The following DSCAM variants were observed in gnomAD, a reference collection of about 807,000 sequenced individuals.
DSCAM encodes DS cell adhesion molecule.
Under a neutral mutation model 217.7 loss-of-function variants are expected in DSCAM, and 47 were observed. The observed-to-expected ratio is 0.22, with a 90% CI of 0.17 to 0.28. The LOEUF is 0.28. Among genes scored for constraint, DSCAM ranks in the 10% least tolerant of loss-of-function variants. The probability of loss-of-function intolerance (pLI) is 1.00; values close to 1 mark genes in which losing one functional copy is unlikely to be tolerated. For synonymous variants in DSCAM, 1,056 were observed against 1,015.3 expected, an observed-to-expected ratio of 1.04 and a Z score of -0.76; for missense variants, 2,080 against 2,618.3, an observed-to-expected ratio of 0.79 and a Z score of 4.49.
chr21:40,743,888 G>C (rs2091149172), intron 1 of DSCAM, among the ~76,000 whole-genome samples: 1 of 152,136 alleles, frequency 6.6e-6, no homozygotes, highest in Non-Finnish European at 1.5e-5. Context: ...ACATGAGCAA[G>C]ATTGCAGAAT....
At chr21:40,454,882 G>A (rs896485550) in intron 3 of DSCAM, among the ~76,000 whole-genome samples, 10 of 152,156 alleles carry the variant, frequency 6.6e-5, no homozygotes, top group Non-Finnish European at 8.8e-5. Flanking sequence ...ATTCTATCTC[G>A]ACGTCCACAA....
chr21:40,318,836 A>G (rs1002374940), intron 8 of DSCAM, among the ~76,000 whole-genome samples: 1 of 152,072 alleles, frequency 6.6e-6, no homozygotes, highest in Admixed American at 6.6e-5. Context: ...TCTCACTCCA[A>G]GCTCCCCGCG....
chr21:40,524,687 GAC>G (rs1017447231), intron 3 of DSCAM, among the ~76,000 whole-genome samples: 38 of 152,146 alleles, frequency 2.5e-4, no homozygotes, highest in Middle Eastern at 3.4e-3. Context: ...AGTAGAGAAA[GAC>G]AAATTCTTTT....
chr21:40,041,033 G>C lies in DSCAM; in HGVS notation c.5686+1338C>G, dbSNP rs988539102. Among the ~76,000 whole-genome samples, 79 of 152,278 alleles carry C rather than the reference G, an allele frequency of 5.2e-4. 1 individual carries two copies. The highest frequency in any genetic ancestry group is 1.8e-3 in the African/African-American group (76 of 41,556). ...TAAAGGAAGCCATCATTCTTTATTG[G>C]ATGCTGGCATGAATCTTGAGCTGGT... On this transcript the variant is annotated intron_variant, in intron 32 of 32. Transcript: ENST00000400454.
intron 9 of DSCAM, among the ~76,000 whole-genome samples, chr21:40,306,157 C>A (rs960900822): frequency 6.6e-6 from 1 of 151,064 alleles, no homozygotes; most frequent in Non-Finnish European, 1.5e-5. Flanking sequence ...AGGTCCTTCA[C>A]ATCCCTTGTA....
intron 6 of DSCAM, among the ~76,000 whole-genome samples, chr21:40,344,486 T>G (rs773978483): frequency 1.3e-5 from 2 of 152,316 alleles, no homozygotes. Flanking sequence ...TCTTTATTTT[T>G]CCTTAATTTT....
chr21:40,614,765 T>C (rs2146284780), intron 3 of DSCAM, among the ~76,000 whole-genome samples: 1 of 152,270 alleles, frequency 6.6e-6, no homozygotes, highest in East Asian at 1.9e-4. Context: ...CATTCTTCCA[T>C]GATGCAGAAG....
intron 1 of DSCAM, among the ~76,000 whole-genome samples, chr21:40,782,761 A>C (rs1326320858): frequency 1.3e-5 from 2 of 152,210 alleles, no homozygotes; most frequent in African/African-American, 4.8e-5. Flanking sequence ...AAATAAAAAA[A>C]AATCACTTTC....
intron 27 of DSCAM, among the ~76,000 whole-genome samples, chr21:40,063,157 GT>G (rs748067263): frequency 1.3e-4 from 20 of 152,112 alleles, no homozygotes; most frequent in Non-Finnish European, 2.8e-4. Context: ...TCTACTAAAT[GT>G]TTTATTCCAA....
intron 1 of DSCAM, among the ~76,000 whole-genome samples, chr21:40,761,910 C>T (rs2091339125): frequency 1.3e-5 from 2 of 152,150 alleles, no homozygotes; most frequent in Admixed American, 6.5e-5. Flanking sequence ...CTTTGAAACC[C>T]ATGAGAACAA....
At chr21:40,262,453 C>T (rs1324451252) in intron 11 of DSCAM, among the ~76,000 whole-genome samples, 1 of 152,090 alleles carries the variant, frequency 6.6e-6, no homozygotes, top group African/African-American at 2.4e-5. Flanking sequence ...AGCCTATTTT[C>T]TTTATAAAGT....
At chr21:40,242,258 G>C (rs2073163483) in intron 11 of DSCAM, among the ~76,000 whole-genome samples, 1 of 152,044 alleles carries the variant, frequency 6.6e-6, no homozygotes, top group Non-Finnish European at 1.5e-5. Context: ...ATAAAGTAAT[G>C]TTTTAGGCTC....
At chr21:40,247,399 A>G (rs2073240942) in intron 11 of DSCAM, among the ~76,000 whole-genome samples, 1 of 152,196 alleles carries the variant, frequency 6.6e-6, no homozygotes, top group Non-Finnish European at 1.5e-5. Flanking sequence ...ATCAAAGCCT[A>G]GCTACTTCCT....
intron 1 of DSCAM, among the ~76,000 whole-genome samples, chr21:40,780,490 C>G (rs1273856419): frequency 7.0e-6 from 1 of 143,020 alleles, no homozygotes; most frequent in Non-Finnish European, 1.5e-5. Flanking sequence ...TTATAAGAAA[C>G]TTGAAAAGTC....
intron 11 of DSCAM, among the ~76,000 whole-genome samples, chr21:40,275,262 C>G (rs868558465): frequency 6.6e-6 from 1 of 151,804 alleles, no homozygotes; most frequent in Non-Finnish European, 1.5e-5. Flanking sequence ...CTCAGGAGTT[C>G]GAGGGTGTAG....
rs76490742 is a variant in DSCAM, at chr21:40,332,287, A to C, written c.1783+5814T>G. ...CTGGCTTCCCGCTGCAATACGAATTATTCTTCTGAGAGTCACCACGGGTTG... is the reference window on the plus strand; with the variant it reads ...CTGGCTTCCCGCTGCAATACGAATTCTTCTTCTGAGAGTCACCACGGGTTG... On this transcript the variant is annotated intron_variant, in intron 8 of 32. Coordinates refer to ENST00000400454, the MANE Select transcript of DSCAM (RefSeq NM_001389.5). Among the ~76,000 whole-genome samples, 43 of 152,258 alleles carry C rather than the reference A, an allele frequency of 2.8e-4. No homozygotes were observed. In the East Asian group the frequency reaches 8.3e-3, roughly 29 times the overall value.
chr21:40,224,906 C>T lies in DSCAM; in HGVS notation c.2357-35668G>A, dbSNP rs866561149. ...CATGTTTTGTCCTAAATTGAATTGT[C>T]GGTCACCTGAACATTCAATCCCACA... On this transcript the variant is annotated intron_variant, in intron 11 of 32. Transcript: ENST00000400454. 1.1e-4 allele frequency among the ~76,000 whole-genome samples: 16 copies of T among 152,282 alleles called. 1 individual carries two copies. The highest frequency in any genetic ancestry group is 3.4e-3 in the Middle Eastern group (1 of 294).
chr21:40,458,864 G>A (rs184006080), intron 3 of DSCAM, among the ~76,000 whole-genome samples: 1 of 152,180 alleles, frequency 6.6e-6, no homozygotes, highest in East Asian at 1.9e-4. Flanking sequence ...AACTTATCAG[G>A]ATTTATGACC....
At chr21:40,613,957 G>A (rs141403588) in intron 3 of DSCAM, among the ~76,000 whole-genome samples, 7 of 152,166 alleles carry the variant, frequency 4.6e-5, no homozygotes, top group African/African-American at 7.2e-5. Context: ...GGAGCAAATC[G>A]TTATCCTTGC....
Sources: gnomAD v4.1 joint callset for allele counts (sites outside exome capture counted in the v4.1 genomes callset) on GRCh38, gnomAD v4.1.1 for gene constraint, MANE v1.5 for transcripts, NCBI Gene and HGNC (gene_info 2026-07-23, HGNC 2026-07-21) for gene names.